Variants in SFRP1 observed in about 807,000 individuals in gnomAD.
The protein encoded by SFRP1 is secreted frizzled related protein 1.
In SFRP1, 9 loss-of-function variants were observed where a neutral mutation model predicts 25.9. The observed-to-expected ratio is 0.35, with a 90% CI of 0.21 to 0.61. SFRP1 has a LOEUF of 0.61. SFRP1 is among the 20% of genes least tolerant of loss of function. SFRP1 has a pLI of 0.78. For synonymous variants in SFRP1, 178 were observed against 174.0 expected, an observed-to-expected ratio of 1.02 and a Z score of -0.18; for missense variants, 346 against 418.2, an observed-to-expected ratio of 0.83 and a Z score of 1.51.
chr8:41,272,028 G>C (rs1024474683), intron 2 of SFRP1, among the ~76,000 whole-genome samples: 3 of 152,062 alleles, frequency 2.0e-5, no homozygotes, highest in Non-Finnish European at 4.4e-5. Context: ...AACAAGAACA[G>C]AAAGCTATTA....
In SFRP1 at chr8:41,284,335, C is replaced by T. The variant is rs186733379; in HGVS notation, c.623-18846G>A. 2.6e-4 allele frequency among the ~76,000 whole-genome samples: 40 copies of T among 152,020 alleles called. No homozygotes were observed. In the East Asian group the frequency reaches 3.7e-3, roughly 14 times the overall value. On this transcript the variant is annotated intron_variant, in intron 2 of 2. Transcript: ENST00000220772. ...CTAGAGGCTGGGACACACCAGGGCC[C>T]GGCCAACATTGCTGGAGGGCCCCTC...
rs1803952430 is a variant in SFRP1 at position 41,303,369 on chromosome 8, G to A, written c.622+92C>T. ...AATGAGGTAGAGAATATGGAAAGCT[G>A]CAACGAGATACATCAGCAGGGCCTC... On this transcript the variant is annotated intron_variant, in intron 2 of 2. Coordinates refer to ENST00000220772, the MANE Select transcript of SFRP1 (RefSeq NM_003012.5). 18 of 908,176 alleles carry A rather than the reference G, an allele frequency of 2.0e-5. No individual in the cohort carries two copies. The South Asian group carries it at 2.5e-4, about 12-fold the overall frequency. The allele number at this position is 908,176 out of a possible 1,614,324, so 56.3% of individuals were successfully genotyped here.
At chr8:41,302,266 G>A (rs1474775049) in intron 2 of SFRP1, among the ~76,000 whole-genome samples, 3 of 152,130 alleles carry the variant, frequency 2.0e-5, no homozygotes, top group Admixed American at 2.0e-4. Flanking sequence ...AGCTCTGGTG[G>A]CCATCTACAT....
At chr8:41,305,532 G>T (rs1803984407) in intron 1 of SFRP1, among the ~76,000 whole-genome samples, 1 of 152,216 alleles carries the variant, frequency 6.6e-6, no homozygotes, top group Admixed American at 6.5e-5. Context: ...AGAGAAATGT[G>T]TGATGCGGTA....
rs1804033114 is a variant in SFRP1 at position 41,308,894 on chromosome 8, T to C, written c.266A>G (p.Glu89Gly). Residue 89 changes from glutamate (E) to glycine (G), a missense_variant, in exon 1 of 3, where the codon GAG becomes GGG. Transcript: ENST00000220772. ...CCAGCTGCTGGCCTGCTGCTTCACC[T>C]CCGCCATGGTCTCGTGCTCCAGCAG... ...PNLLEHETMAEVKQQASSWVP... is the reference protein window; with the variant it reads ...PNLLEHETMAGVKQQASSWVP... 1 of 1,611,834 alleles carries C rather than the reference T, an allele frequency of 6.2e-7. No homozygotes were observed. Among genetic ancestry groups the C allele is most frequent in the African/African-American group, 1.3e-5 (1 of 74,918 alleles).
At position 41,309,056 on chromosome 8, in the gene SFRP1, T is replaced by C; in HGVS notation, c.104A>G (p.Asp35Gly). The change falls in exon 1 of 3, where the codon GAC becomes GGC. Residue 35 changes from aspartate to glycine, a missense_variant. Coordinates refer to ENST00000220772, the MANE Select transcript of SFRP1 (RefSeq NM_003012.5). ...GATGTCCGACTGGAAGCTCACGTAG[T>C]CGTACTCGCTGGCCGAGCCCACGGC... The part of the protein sequence containing the change: ...LLAVGSASEY[D>G]YVSFQSDIGP... 1.9e-6 allele frequency: 3 copies of C among 1,603,752 alleles called. No individual in the cohort carries two copies. Among genetic ancestry groups the C allele is most frequent in the Non-Finnish European group, 2.5e-6 (3 of 1,179,532 alleles).
intron 2 of SFRP1, among the ~76,000 whole-genome samples, chr8:41,300,703 T>C (rs768148754): frequency 6.6e-5 from 10 of 152,050 alleles, no homozygotes; most frequent in Non-Finnish European, 1.3e-4. Context: ...GCAAATACTA[T>C]ATTGGGCTAT....
At chr8:41,301,251 C>T (rs1315781705) in intron 2 of SFRP1, among the ~76,000 whole-genome samples, 1 of 152,174 alleles carries the variant, frequency 6.6e-6, no homozygotes, top group East Asian at 1.9e-4. Flanking sequence ...AGGAGGGAGT[C>T]AAGCATTCTC....
intron 2 of SFRP1, among the ~76,000 whole-genome samples, chr8:41,293,035 G>A (rs111428389): frequency 3.7e-4 from 57 of 152,296 alleles, no homozygotes; most frequent in African/African-American, 1.2e-3. Context: ...GGAGGTGAGA[G>A]GCTGCTCTCA....
chr8:41,285,853 C>CA (rs1803694083), intron 2 of SFRP1, among the ~76,000 whole-genome samples: 1 of 152,142 alleles, frequency 6.6e-6, no homozygotes, highest in Non-Finnish European at 1.5e-5. Context: ...AGGCTAGGGT[C>CA]GGGGGTGCCA....
intron 2 of SFRP1, among the ~76,000 whole-genome samples, chr8:41,279,158 T>C (rs986430096): frequency 2.0e-5 from 3 of 152,076 alleles, no homozygotes; most frequent in Admixed American, 1.3e-4. Flanking sequence ...CTCTGTTCAA[T>C]GACTAGTGCA....
intron 2 of SFRP1, among the ~76,000 whole-genome samples, chr8:41,288,333 G>A (rs1002364131): frequency 2.6e-5 from 4 of 151,860 alleles, no homozygotes; most frequent in Non-Finnish European, 5.9e-5. Context: ...CTCCAGCCTG[G>A]ATGACAGAGA....
chr8:41,307,537 GC>G (rs755853441), intron 1 of SFRP1, among the ~76,000 whole-genome samples: 2 of 152,150 alleles, frequency 1.3e-5, no homozygotes, highest in African/African-American at 2.4e-5. Context: ...TCCTCAAAAA[GC>G]CCTCAGGAAG....
chr8:41,291,105 T>C (rs558644856), intron 2 of SFRP1, among the ~76,000 whole-genome samples: 1 of 151,640 alleles, frequency 6.6e-6, no homozygotes, highest in East Asian at 2.0e-4. Context: ...AGACGGGGTT[T>C]CCCCATGTTA....
chr8:41,291,447 T>C (rs1451383399), intron 2 of SFRP1, among the ~76,000 whole-genome samples: 2 of 152,136 alleles, frequency 1.3e-5, no homozygotes, highest in Non-Finnish European at 2.9e-5. Flanking sequence ...CCTGGTCTGA[T>C]CTCCACTGGG....
At chr8:41,281,238 G>A (rs35528702) in intron 2 of SFRP1, among the ~76,000 whole-genome samples, 45,969 of 152,046 alleles carry the variant, frequency 0.3, 7,568 homozygotes, top group Middle Eastern at 0.39. Context: ...TTTGCATCAG[G>A]GGTGCTGATC....
chr8:41,289,912 T>TG (rs1477147444), intron 2 of SFRP1, among the ~76,000 whole-genome samples: 1 of 152,182 alleles, frequency 6.6e-6, no homozygotes, highest in Non-Finnish European at 1.5e-5. Context: ...TCTCAAGTGC[T>TG]GGGGGAGGAA....
In SFRP1 at chr8:41,309,400, G is replaced by A. The variant is rs1804044908; in HGVS notation, c.-241C>T. 1 of 202,650 alleles carries A rather than the reference G, an allele frequency of 4.9e-6. No homozygotes were observed. The highest frequency in any genetic ancestry group is 2.4e-5 in the African/African-American group (1 of 42,518). 12.6% of individuals were successfully genotyped at this position (202,650 alleles called of 1,614,324 possible). ...GGCTGGGTGCGCCCCGGCTCCCGGAGGTGCGGCGAGCAGGAAGGCGCGGGG... is the reference window on the plus strand; with the variant it reads ...GGCTGGGTGCGCCCCGGCTCCCGGAAGTGCGGCGAGCAGGAAGGCGCGGGG... On this transcript the variant is annotated 5_prime_UTR_variant, in exon 1 of 3. Coordinates refer to ENST00000220772, the MANE Select transcript of SFRP1 (RefSeq NM_003012.5).
chr8:41,285,751 C>A (rs1803691995), intron 2 of SFRP1, among the ~76,000 whole-genome samples: 2 of 152,198 alleles, frequency 1.3e-5, no homozygotes, highest in African/African-American at 4.8e-5. Context: ...CTCTGAAGAG[C>A]ATTCTGGGGT....
Sources: gnomAD v4.1 joint callset for allele counts (sites outside exome capture counted in the v4.1 genomes callset) on GRCh38, gnomAD v4.1.1 for gene constraint, MANE v1.5 for transcripts, NCBI Gene and HGNC (gene_info 2026-07-23, HGNC 2026-07-21) for gene names.